Variants in C1orf159 observed in about 807,000 individuals in gnomAD.
The protein encoded by C1orf159 is uncharacterized protein C1orf159.
Under a neutral mutation model 25.6 loss-of-function variants are expected in C1orf159, and 19 were observed. The observed-to-expected ratio is 0.74, with a 90% CI of 0.52 to 1.09. The LOEUF is 1.09. C1orf159 is among the 50% of genes least tolerant of loss of function. The pLI, the probability that C1orf159 is intolerant of heterozygous loss-of-function variation, is 0.00. For synonymous variants in C1orf159, 139 were observed against 124.7 expected, an observed-to-expected ratio of 1.12 and a Z score of -0.77; for missense variants, 274 against 290.6, an observed-to-expected ratio of 0.94 and a Z score of 0.42.
At chr1:1,098,742 G>A (rs1570321615) in intron 1 of C1orf159, among the ~76,000 whole-genome samples, 1 of 152,152 alleles carries the variant, frequency 6.6e-6, no homozygotes, top group East Asian at 1.9e-4. Context: ...CTCCCGAGGA[G>A]CTGGGATTAC....
At position 1,082,976 on chromosome 1, in the gene C1orf159, G is replaced by A. The variant is rs1255236234; in HGVS notation, c.514C>T (p.Arg172Cys). ...PPPQSSVRKP[R>C]YVRRERPLDR... ...AGGGGCCGCTCCCGCCTGACGTAGC[G>A]CGGCTTCCGTACTGAAACGGGTCAG... is the stretch of plus-strand genomic sequence containing the variant. The change falls in exon 10 of 10, where the codon CGC (arginine) becomes TGC (cysteine). Residue 172 changes from arginine (R) to cysteine (C), a missense_variant. Transcript: ENST00000421241. 9 of 1,599,240 alleles carry A rather than the reference G, an allele frequency of 5.6e-6. No individual in the cohort carries two copies. The highest frequency in any genetic ancestry group is 2.3e-5 in the South Asian group (2 of 88,628).
chr1:1,086,037 A>T (rs770109793), intron 6 of C1orf159, 25 bp from the exon 7 acceptor site: 1 of 1,610,060 alleles, frequency 6.2e-7, no homozygotes, highest in African/African-American at 1.3e-5. Context: ...CGCTGAGCAG[A>T]CGGGCAGGAC....
chr1:1,112,292 G>A (rs190019184), intron 1 of C1orf159, among the ~76,000 whole-genome samples: 130 of 152,356 alleles, frequency 8.5e-4, no homozygotes, highest in Middle Eastern at 3.4e-3. Context: ...GCAAAATGGC[G>A]GCGTGTAACC....
chr1:1,083,151 G>A, intron 9 of C1orf159, 164 bp from the exon 10 acceptor site: 1 of 573,522 alleles, frequency 1.7e-6, no homozygotes, highest in Admixed American at 3.4e-5. Context: ...TGCCCCTAAG[G>A]CGCCCTCAGA....
chr1:1,090,375 T>G lies in C1orf159; in HGVS notation c.126A>C (p.Pro42=). 1 of 1,550,502 alleles carries G rather than the reference T, an allele frequency of 6.4e-7. No homozygotes were observed. Among genetic ancestry groups the G allele is most frequent in the Non-Finnish European group, 8.7e-7 (1 of 1,146,944 alleles). The change falls in exon 4 of 10, where the codon CCA becomes CCC. Residue 42 remains proline, a synonymous_variant. Coordinates refer to ENST00000421241, the MANE Select transcript of C1orf159 (RefSeq NM_017891.5). ...TACCTGGACCACACAGACTTGCGCCTGGGCAGCTGGCGTTGACGCCCACCA... is the reference window on the plus strand; with the variant it reads ...TACCTGGACCACACAGACTTGCGCCGGGGCAGCTGGCGTTGACGCCCACCA... ...VDVVGVNASC[P]GASLCGPGCY... is the part of the protein sequence containing the mutation.
chr1:1,090,668 G>A, intron 3 of C1orf159: 1 of 690,876 alleles, frequency 1.4e-6, no homozygotes, highest in Non-Finnish European at 2.5e-6. Flanking sequence ...GAAAAGCTGG[G>A]CCTGGAAGAG....
In C1orf159 at chr1:1,087,744, G is replaced by T; in HGVS notation, c.149-147C>A. On this transcript the variant is annotated intron_variant, in intron 4 of 9. Coordinates refer to ENST00000421241, the MANE Select transcript of C1orf159 (RefSeq NM_017891.5). The surrounding 1 kb of genome is among the most constrained non-coding windows in gnomAD (Gnocchi z 8.3). ...GGAGGGTAGGTGGGCGGCAGACAAG[G>T]ACACCCCCAGGGAGCATGGCGGGGC... is the stretch of plus-strand genomic sequence containing the variant. 1.5e-6 allele frequency: 1 copy of T among 655,468 alleles called. No homozygotes were observed. Among genetic ancestry groups the T allele is most frequent in the Non-Finnish European group, 2.6e-6 (1 of 378,422 alleles). 40.6% of individuals were successfully genotyped at this position (655,468 alleles called of 1,614,324 possible).
intron 1 of C1orf159, among the ~76,000 whole-genome samples, chr1:1,103,834 G>C (rs1646135892): frequency 6.6e-6 from 1 of 152,146 alleles, no homozygotes; most frequent in Non-Finnish European, 1.5e-5. Flanking sequence ...TGGGACCTCA[G>C]GTGCACACCA....
Position 1,082,659 on chromosome 1 carries a change from C to T in C1orf159, c.*234G>A. 3 of 561,690 alleles carry T rather than the reference C, an allele frequency of 5.3e-6. No homozygotes were observed. The South Asian group carries it at 6.0e-5, about 11-fold the overall frequency. The allele number at this position is 561,690 out of a possible 1,614,324, so 34.8% of individuals were successfully genotyped here. On this transcript the variant is annotated 3_prime_UTR_variant, in exon 10 of 10. Transcript: ENST00000421241. ...AGGCCTCGATCTGAAGCTCTGAGGT[C>T]TCATGGATGCCTGCTCCTGGTCCGA...
chr1:1,082,455 T>G lies in C1orf159; in HGVS notation c.*438A>C. 1 of 210,272 alleles carries G rather than the reference T, an allele frequency of 4.8e-6. No homozygotes were observed. The highest frequency in any genetic ancestry group is 6.3e-5 in the South Asian group (1 of 15,856). The allele number at this position is 210,272 out of a possible 1,614,324, so 13.0% of individuals were successfully genotyped here. On this transcript the variant is annotated 3_prime_UTR_variant, in exon 10 of 10. Transcript: ENST00000421241. ...ACCAGCCTCACTGTTCTCAGAGGGG[T>G]CTCGGGCCACTGGGTGTGGTGGTGC...
rs1422647203 is a variant in C1orf159 at position 1,108,217 on chromosome 1, ACAGCCACCATG to A, written c.-136+7832_-136+7842del. ...CCATGTCTCAGCAGCACCGTTCACCACAGCCACCATGTCTCAGCAGCACCGTTCACCACAGC... is the reference window on the plus strand; with the variant it reads ...CCATGTCTCAGCAGCACCGTTCACCATCTCAGCAGCACCGTTCACCACAGC... On this transcript the variant is annotated intron_variant, in intron 1 of 9. Transcript: ENST00000421241. 1.5e-4 allele frequency among the ~76,000 whole-genome samples: 19 copies of A among 129,614 alleles called. 2 individuals are homozygous for A. The highest frequency in any genetic ancestry group is 5.1e-4 in the African/African-American group (15 of 29,150). 85.0% of individuals were successfully genotyped at this position (129,614 alleles called of 152,430 possible). A position where few individuals can be genotyped will look rare whatever the true frequency, so the allele number is the denominator to read the frequency against.
At position 1,087,369 on chromosome 1, in the gene C1orf159, G is replaced by A. The variant is rs975028008; in HGVS notation, c.244+133C>T. The A allele has an allele frequency of 2.1e-5, 25 of 1,166,370 alleles. No individual in the cohort carries two copies. Among genetic ancestry groups the A allele is most frequent in the Non-Finnish European group, 3.0e-5 (25 of 841,180 alleles). The allele number at this position is 1,166,370 out of a possible 1,614,324, so 72.3% of individuals were successfully genotyped here. On this transcript the variant is annotated intron_variant, in intron 5 of 9. Coordinates refer to ENST00000421241, the MANE Select transcript of C1orf159 (RefSeq NM_017891.5). This position sits in a 1 kb window ranked among gnomAD's most constrained non-coding sequence, Gnocchi z 8.3. The stretch of plus-strand genomic sequence containing the variant: ...CCGAATGGCCCAGCAGACTCGGGAA[G>A]AGGGGGCTCCCGGGGCTGTTCCCCA...
At position 1,082,640 on chromosome 1, in the gene C1orf159, C is replaced by T. The variant is rs954380773; in HGVS notation, c.*253G>A. The T allele has an allele frequency of 3.4e-5, 18 of 531,112 alleles. No individual in the cohort carries two copies. The highest frequency in any genetic ancestry group is 5.1e-5 in the Non-Finnish European group (15 of 294,832). The allele number at this position is 531,112 out of a possible 1,614,324, so 32.9% of individuals were successfully genotyped here. A position where few individuals can be genotyped will look rare whatever the true frequency, so the allele number is the denominator to read the frequency against. On this transcript the variant is annotated 3_prime_UTR_variant, in exon 10 of 10. Coordinates refer to ENST00000421241, the MANE Select transcript of C1orf159 (RefSeq NM_017891.5). ...GGGGGGCCCGGACCCCCCAAGGCCT[C>T]GATCTGAAGCTCTGAGGTCTCATGG...
rs1164682283 is a variant in C1orf159 at position 1,115,477 on chromosome 1, C to T, written c.-136+583G>A. Among the ~76,000 whole-genome samples the T allele has an allele frequency of 1.1e-3, 165 of 147,926 alleles. 1 individual carries two copies. Among genetic ancestry groups the T allele is most frequent in the African/African-American group, 3.9e-3 (159 of 40,288 alleles). On this transcript the variant is annotated intron_variant, in intron 1 of 9. Coordinates refer to ENST00000421241, the MANE Select transcript of C1orf159 (RefSeq NM_017891.5). Reference sequence around the variant, plus strand: ...CCCCTTTCTTCCCCCGGGCGCCCGTCCCATCCCCTCCCCAGGGACCCCCTC... The same window carrying T: ...CCCCTTTCTTCCCCCGGGCGCCCGTTCCATCCCCTCCCCAGGGACCCCCTC...
chr1:1,082,958 G>A lies in C1orf159; in HGVS notation c.532C>T (p.Arg178Trp), dbSNP rs750855618. The change falls in exon 10 of 10, where the codon CGG becomes TGG. Residue 178 changes from arginine to tryptophan, a missense_variant. Transcript: ENST00000421241. ...GGATCCGTGGCCCTGTCCAGGGGCC[G>A]CTCCCGCCTGACGTAGCGCGGCTTC... is the stretch of plus-strand genomic sequence containing the variant. ...VRKPRYVRRE[R>W]PLDRATDPAA... 1.9e-5 allele frequency: 30 copies of A among 1,602,000 alleles called. No homozygotes were observed. In the East Asian group the frequency reaches 3.4e-4, roughly 18 times the overall value.
At chr1:1,102,090 A>C (rs1188140776) in intron 1 of C1orf159, among the ~76,000 whole-genome samples, 13 of 150,930 alleles carry the variant, frequency 8.6e-5, no homozygotes, top group East Asian at 3.9e-4. Flanking sequence ...AAAAAAAAAA[A>C]AAAAAACAAA....
chr1:1,083,670 C>T (rs1645780282), intron 9 of C1orf159: 4 of 559,246 alleles, frequency 7.2e-6, no homozygotes, highest in Admixed American at 3.4e-5. Context: ...CTGGCAGCCC[C>T]GGGGCACTCG....
Position 1,113,985 on chromosome 1 carries a change from C to T in C1orf159, c.-136+2075G>A, listed in dbSNP as rs945472426. ...AGGCTGCAGTGCAGTGGCGCAATCT[C>T]GGCTCACTGCAACCTCCGCCTCCCG... is the stretch of plus-strand genomic sequence containing the variant. On this transcript the variant is annotated intron_variant, in intron 1 of 9. Transcript: ENST00000421241. Among the ~76,000 whole-genome samples the T allele has an allele frequency of 8.1e-5, 12 of 148,340 alleles. No homozygotes were observed. The East Asian group carries it at 1.8e-3, about 23-fold the overall frequency.
At chr1:1,108,639 C>T (rs879212879) in intron 1 of C1orf159, among the ~76,000 whole-genome samples, 9 of 83,526 alleles carry the variant, frequency 1.1e-4, no homozygotes, top group African/African-American at 3.9e-4. Context: ...GCAGCACCGT[C>T]CACCACAGCC....
Sources: gnomAD v4.1 joint callset for allele counts (sites outside exome capture counted in the v4.1 genomes callset) on GRCh38, gnomAD v4.1.1 for gene constraint, Gnocchi (gnomAD v3.1) non-coding constraint, MANE v1.5 for transcripts, NCBI Gene and HGNC (gene_info 2026-07-23, HGNC 2026-07-21) for gene names.